The following AP5Z1 variants were observed in gnomAD, a reference collection of about 807,000 sequenced individuals.
AP5Z1 encodes AP-5 complex subunit zeta-1.
Under a neutral mutation model 83.0 loss-of-function variants are expected in AP5Z1, and 106 were observed. The observed-to-expected ratio is 1.28, with a 90% CI of 1.09 to 1.50. The LOEUF (loss-of-function observed/expected upper bound fraction) is 1.50, where lower values mean the gene tolerates loss of function less well. Among genes scored for constraint, AP5Z1 ranks in the 40% most tolerant of loss-of-function variants. The pLI, the probability that AP5Z1 is intolerant of heterozygous loss-of-function variation, is 0.00. For missense variants in AP5Z1, 1,565 were observed against 1,094.2 expected (o/e 1.43, Z -6.07); for synonymous variants, 751 against 514.1 (o/e 1.46, Z -6.23).
chr7:4,790,073 C>T (rs1781706336), intron 14 of AP5Z1, 144 bp downstream of exon 14: 3 of 1,209,124 alleles, frequency 2.5e-6, no homozygotes, highest in Admixed American at 2.8e-5. Flanking sequence ...CACCCCCACC[C>T]ACAGCCCCAC....
chr7:4,781,333 G>T, intron 2 of AP5Z1, 21 bp downstream of exon 2: 2 of 1,611,772 alleles, frequency 1.2e-6, no homozygotes, highest in South Asian at 2.2e-5. Context: ...CGACGGCTCA[G>T]GCCGGCTCCT....
At position 4,781,683 on chromosome 7, in the gene AP5Z1, C is replaced by T; in HGVS notation, c.295C>T (p.Leu99Phe). ...ILREMSPSDS[L>F]SLAWDHTQNS... The stretch of plus-strand genomic sequence containing the variant: ...GCGAGAGATGTCCCCCTCTGACAGC[C>T]TCAGCCTGGCCTGGGACCACACGCA... Residue 99 changes from leucine (L) to phenylalanine (F), a missense_variant, in exon 3 of 17, where the codon CTC (leucine) becomes TTC (phenylalanine). Leu to Phe is a conservative substitution (Grantham distance 22). Coordinates refer to ENST00000649063, the MANE Select transcript of AP5Z1 (RefSeq NM_014855.3). 6.3e-7 allele frequency: 1 copy of T among 1,597,190 alleles called. No homozygotes were observed. The highest frequency in any genetic ancestry group is 8.6e-7 in the Non-Finnish European group (1 of 1,166,942).
chr7:4,786,634 C>G (rs1051300041), intron 10 of AP5Z1, among the ~76,000 whole-genome samples: 2 of 152,130 alleles, frequency 1.3e-5, no homozygotes, highest in African/African-American at 4.8e-5. Flanking sequence ...CAAGAACTCC[C>G]TTGTGGGTGT....
chr7:4,789,856 C>G lies in AP5Z1; in HGVS notation c.1732C>G (p.Gln578Glu). 6.4e-7 allele frequency: 1 copy of G among 1,552,718 alleles called. No individual in the cohort carries two copies. Among genetic ancestry groups the G allele is most frequent in the Non-Finnish European group, 8.7e-7 (1 of 1,148,258 alleles). The change falls in exon 14 of 17, where the codon CAG (glutamine) becomes GAG (glutamate). Residue 578 changes from glutamine (Q) to glutamate (E), a missense_variant. Coordinates refer to ENST00000649063, the MANE Select transcript of AP5Z1 (RefSeq NM_014855.3). ...TQVADGSLINQLALLLLGRSD... is the reference protein window; with the variant it reads ...TQVADGSLINELALLLLGRSD... ...GGTGGCTGACGGGTCCCTGATCAAC[C>G]AGCTGGCGCTGCTGCTCCTGGGCAG... is the stretch of plus-strand genomic sequence containing the variant.
intron 1 of AP5Z1, 150 bp from the exon 2 acceptor site, chr7:4,781,025 A>G (rs1285052105): frequency 2.0e-6 from 2 of 1,008,198 alleles, no homozygotes. Context: ...CAGCGAATTT[A>G]TCTCGAGAGC....
chr7:4,789,756 C>T (rs1202160897), intron 13 of AP5Z1, 76 bp from the exon 14 acceptor site: 26 of 1,206,132 alleles, frequency 2.2e-5, no homozygotes, highest in Non-Finnish European at 2.9e-5. Flanking sequence ...CCCCAGCCCT[C>T]ACCATGGCTT....
rs1781624044 is a variant in AP5Z1 at position 4,788,297 on chromosome 7, A to G, written c.1595+3A>G. ...AAGGCCAGTGGCGCCACTGAGAGGT[A>G]CGGGGCCCTAGGGCCAGGGGGCCAC... is the stretch of plus-strand genomic sequence containing the variant. On this transcript the variant is annotated splice_donor_region_variant and intron_variant, in intron 12 of 16. Transcript: ENST00000649063. 6.3e-7 allele frequency: 1 copy of G among 1,583,972 alleles called. No individual in the cohort carries two copies. The highest frequency in any genetic ancestry group is 1.3e-5 in the African/African-American group (1 of 74,186).
chr7:4,787,738 C>T lies in AP5Z1; in HGVS notation c.1416C>T (p.Asp472=). Residue 472 remains aspartate, a synonymous_variant, in exon 11 of 17, where the codon GAC becomes GAT. Transcript: ENST00000649063. Reference sequence around the variant, plus strand: ...TGGAGATGCTGCACGCGCTGCTGGACCTGCCCTGCTTGACGGCGGTGCTGG... The same window carrying T: ...TGGAGATGCTGCACGCGCTGCTGGATCTGCCCTGCTTGACGGCGGTGCTGG... ...TALEMLHALL[D]LPCLTAVLDL... 6.5e-7 allele frequency: 1 copy of T among 1,546,796 alleles called. No homozygotes were observed. The highest frequency in any genetic ancestry group is 8.7e-7 in the Non-Finnish European group (1 of 1,148,770).
chr7:4,784,500 A>G lies in AP5Z1; in HGVS notation c.790+129A>G, dbSNP rs116576980. On this transcript the variant is annotated intron_variant, in intron 6 of 16. Coordinates refer to ENST00000649063, the MANE Select transcript of AP5Z1 (RefSeq NM_014855.3). ...CAGGATGCAGCAGAGGTCAGGACTG[A>G]GCAACGCAGCCTGCTGACCTGGAGC... 0.027 allele frequency: 30,442 copies of G among 1,147,446 alleles called. 590 individuals carry two copies. The highest frequency in any genetic ancestry group is 0.081 in the African/African-American group (5,199 of 64,212). The allele number at this position is 1,147,446 out of a possible 1,614,324, so 71.1% of individuals were successfully genotyped here.
intron 1 of AP5Z1, among the ~76,000 whole-genome samples, chr7:4,776,834 G>T (rs919654257): frequency 6.6e-6 from 1 of 152,146 alleles, no homozygotes; most frequent in South Asian, 2.1e-4. Context: ...AGCAGGAGAA[G>T]TGCATGAACC....
rs767273315 is a variant in AP5Z1, at chr7:4,789,873, C to T, written c.1749C>T (p.Leu583=). 5 of 1,553,268 alleles carry T rather than the reference C, an allele frequency of 3.2e-6. No individual in the cohort carries two copies. The highest frequency in any genetic ancestry group is 1.7e-4 in the Middle Eastern group (1 of 5,960). The change falls in exon 14 of 17, where the codon CTC becomes CTT. Residue 583 remains leucine (L), a synonymous_variant. Coordinates refer to ENST00000649063, the MANE Select transcript of AP5Z1 (RefSeq NM_014855.3). The part of the protein sequence containing the change: ...GSLINQLALL[L]LGRSDSLYPA... ...TGATCAACCAGCTGGCGCTGCTGCT[C>T]CTGGGCAGGAGCGACTCGCTCTACC...
At chr7:4,788,722 G>A (rs537810690) in intron 12 of AP5Z1, 118 bp from the exon 13 acceptor site, 104 of 884,950 alleles carry the variant, frequency 1.2e-4, no homozygotes, top group Middle Eastern at 4.6e-4. Context: ...CCCGAGAGGC[G>A]ATGAGTGAGG....
At chr7:4,790,962 G>C (rs1781748799) in intron 16 of AP5Z1, 75 bp downstream of exon 16, 3 of 1,493,628 alleles carry the variant, frequency 2.0e-6, no homozygotes, top group Non-Finnish European at 1.8e-6. Flanking sequence ...TTCCCATCCA[G>C]GTGTTGTGAA....
intron 1 of AP5Z1, among the ~76,000 whole-genome samples, chr7:4,780,183 C>T (rs950684654): frequency 1.3e-5 from 2 of 152,184 alleles, no homozygotes; most frequent in African/African-American, 4.8e-5. Context: ...AACCTAAAAA[C>T]AGGCTTCCAT....
chr7:4,789,824 A>G lies in AP5Z1; in HGVS notation c.1708-8A>G. On this transcript the variant is annotated splice_region_variant and splice_polypyrimidine_tract_variant and intron_variant, in intron 13 of 16. Coordinates refer to ENST00000649063, the MANE Select transcript of AP5Z1 (RefSeq NM_014855.3). Reference sequence around the variant, plus strand: ...GGGCTGAGCCTGTTTCCCACTCCTGACCCCCAGGTGGCTGACGGGTCCCTG... The same window carrying G: ...GGGCTGAGCCTGTTTCCCACTCCTGGCCCCCAGGTGGCTGACGGGTCCCTG... 1.3e-6 allele frequency: 2 copies of G among 1,549,338 alleles called. No homozygotes were observed.
chr7:4,791,537 G>A lies in AP5Z1; in HGVS notation c.*152G>A. The A allele has an allele frequency of 8.5e-7, 1 of 1,177,666 alleles. No individual in the cohort carries two copies. The highest frequency in any genetic ancestry group is 1.6e-5 in the South Asian group (1 of 61,748). The allele number at this position is 1,177,666 out of a possible 1,614,324, so 73.0% of individuals were successfully genotyped here. ...GCTTGGCACCCTCACAGACACGCGG[G>A]GCTGGCCCCCCTGCTCACCCTCTGG... On this transcript the variant is annotated 3_prime_UTR_variant, in exon 17 of 17. Transcript: ENST00000649063.
rs560601826 is a variant in AP5Z1, at chr7:4,783,876, C to T, written c.621+78C>T. On this transcript the variant is annotated intron_variant, in intron 5 of 16. Coordinates refer to ENST00000649063, the MANE Select transcript of AP5Z1 (RefSeq NM_014855.3). ...TCCCTGAGAGCTCCTGTGCCCACAG[C>T]GGCGAGGCCTGCTGTCGTTCCGCGG... The T allele has an allele frequency of 4.0e-5, 56 of 1,415,548 alleles. No individual in the cohort carries two copies. In the African/African-American group the frequency reaches 6.5e-4, roughly 16 times the overall value. The allele number at this position is 1,415,548 out of a possible 1,614,324, so 87.7% of individuals were successfully genotyped here. A position where few individuals can be genotyped will look rare whatever the true frequency, so the allele number is the denominator to read the frequency against.
chr7:4,783,656 C>T (rs745887314), intron 4 of AP5Z1, 33 bp from the exon 5 acceptor site: 12 of 1,538,250 alleles, frequency 7.8e-6, no homozygotes, highest in Admixed American at 6.0e-5. Flanking sequence ...TAGGATTCAA[C>T]CTCACCTCCC....
In AP5Z1 at chr7:4,791,216, C is replaced by T. The variant is rs544889640; in HGVS notation, c.2255C>T (p.Thr752Ile). ...EGAEAIRTRA[T>I]ELLTLLKMPS... is the part of the protein sequence containing the mutation. Reference sequence around the variant, plus strand: ...GCGGAAGCCATCCGTACCCGGGCCACAGAGCTGCTGACCCTGCTGAAGATG... The same window carrying T: ...GCGGAAGCCATCCGTACCCGGGCCATAGAGCTGCTGACCCTGCTGAAGATG... The change falls in exon 17 of 17, where the codon ACA (threonine) becomes ATA (isoleucine). Residue 752 changes from threonine (T) to isoleucine (I), a missense_variant. Transcript: ENST00000649063. 6.2e-7 allele frequency: 1 copy of T among 1,612,758 alleles called. No homozygotes were observed. The highest frequency in any genetic ancestry group is 1.7e-5 in the Admixed American group (1 of 60,004).
Sources: allele counts gnomAD v4.1 joint callset (sites outside exome capture counted in the v4.1 genomes callset), GRCh38; gene constraint gnomAD v4.1.1; transcripts MANE v1.5; gene names NCBI Gene and HGNC (gene_info 2026-07-23, HGNC 2026-07-21).